SANBR: variants seen among roughly 807,000 people sequenced by gnomAD.
SANBR encodes the protein SANT and BTB domain regulator of CSR.
Under a neutral mutation model 101.8 loss-of-function variants are expected in SANBR, and 77 were observed. That is an observed-to-expected ratio of 0.76 (90% confidence interval 0.63 to 0.91). The LOEUF (loss-of-function observed/expected upper bound fraction) is 0.91, where lower values mean the gene tolerates loss of function less well. Among genes scored for constraint, SANBR ranks in the 40% least tolerant of loss-of-function variants. SANBR has a pLI of 0.00. For synonymous variants in SANBR, 279 were observed against 274.7 expected (o/e 1.02, Z -0.15); for missense variants, 875 against 853.0 (o/e 1.03, Z -0.32).
intron 20 of SANBR, among the ~76,000 whole-genome samples, chr2:61,129,356 A>G (rs1028292837): frequency 8.6e-5 from 13 of 151,984 alleles, no homozygotes; most frequent in Non-Finnish European, 1.5e-5. Flanking sequence ...AGGCAAGAGA[A>G]TCACTTGAAC....
At chr2:61,106,416 G>GAAAAAAAAAAAAAAAAAAAAAAAAAAAA (rs1559125251) in intron 13 of SANBR, 147 bp from the exon 14 acceptor site, 1 of 330,004 alleles carries the variant, frequency 3.0e-6, no homozygotes, top group African/African-American at 2.6e-5. Flanking sequence ...AAAAAAAAAG[G>GAAAAAAAAAAAAAAAAAAAAAAAAAAAA]AAATGTCATT....
chr2:61,081,558 T>G (rs1438068850), intron 7 of SANBR, 48 bp downstream of exon 7: 1 of 1,462,068 alleles, frequency 6.8e-7, no homozygotes, highest in East Asian at 2.7e-5. Context: ...TCACTTATGC[T>G]TTCTTTTCCT....
chr2:61,135,736 T>G (rs1684821577), intron 21 of SANBR, among the ~76,000 whole-genome samples: 1 of 152,166 alleles, frequency 6.6e-6, no homozygotes, highest in African/African-American at 2.4e-5. Context: ...GTATATCATT[T>G]GTAGAAGGAA....
At chr2:61,104,436 C>G (rs955631135) in intron 13 of SANBR, among the ~76,000 whole-genome samples, 1 of 149,780 alleles carries the variant, frequency 6.7e-6, no homozygotes, top group Non-Finnish European at 1.5e-5. Flanking sequence ...GAGCCAAGAT[C>G]GTGCCACTGC....
chr2:61,134,274 A>G (rs1684779757), exon 21 of SANBR: 1 of 1,553,550 alleles, frequency 6.4e-7, no homozygotes, highest in Non-Finnish European at 8.7e-7. Context: ...TGCTTGACAT[A>G]TCGTAAGTGC....
At chr2:61,109,329 T>C (rs755227317) in intron 16 of SANBR, 33 bp downstream of exon 16, 2 of 1,256,952 alleles carry the variant, frequency 1.6e-6, no homozygotes, top group South Asian at 3.0e-5. Context: ...CAAATCTCCC[T>C]GTTTATGAAG....
chr2:61,097,543 C>T (rs934121074), intron 11 of SANBR, among the ~76,000 whole-genome samples, 157 bp from the exon 12 acceptor site: 1 of 152,108 alleles, frequency 6.6e-6, no homozygotes, highest in Admixed American at 6.6e-5. Context: ...TAACCTTCCA[C>T]CCCTGGCAAC....
At position 61,123,576 on chromosome 2, in the gene SANBR, A is replaced by G. The variant is rs1388184318; in HGVS notation, c.*1414A>G. On this transcript the variant is annotated 3_prime_UTR_variant, in exon 22 of 22. Transcript: ENST00000402291. ...ACATATTATATGTAAGTACTCTGTT[A>G]AATACCAGAGTTTTTTTTGTAGTTT... is the stretch of plus-strand genomic sequence containing the variant. The G allele has an allele frequency of 1.0e-6, 1 of 975,362 alleles. No homozygotes were observed. Among genetic ancestry groups the G allele is most frequent in the Non-Finnish European group, 1.2e-6 (1 of 820,792 alleles). 60.4% of individuals were successfully genotyped at this position (975,362 alleles called of 1,614,324 possible). A position where few individuals can be genotyped will look rare whatever the true frequency, so the allele number is the denominator to read the frequency against.
chr2:61,113,066 G>A (rs1023708034), intron 16 of SANBR, among the ~76,000 whole-genome samples: 27 of 152,160 alleles, frequency 1.8e-4, no homozygotes, highest in African/African-American at 5.3e-4. Context: ...TTCCAGCACC[G>A]TTTATTGAAA....
chr2:61,104,356 C>T (rs903052843), intron 13 of SANBR, among the ~76,000 whole-genome samples: 1 of 151,926 alleles, frequency 6.6e-6, no homozygotes, highest in Non-Finnish European at 1.5e-5. Context: ...GTGGTGGGCA[C>T]CTGTAGTCCC....
At position 61,076,837 on chromosome 2, in the gene SANBR, T is replaced by C. The variant is rs1681811352; in HGVS notation, c.432-83T>C. On this transcript the variant is annotated intron_variant, in intron 5 of 21. Transcript: ENST00000402291. ...CAGAATTTTCAAAAACATCTTGTTC[T>C]CTTCCCTTCACTAAATGTCAGTATT... 4 of 947,346 alleles carry C rather than the reference T, an allele frequency of 4.2e-6. 1 individual carries two copies. In the South Asian group the frequency reaches 6.3e-5, roughly 15 times the overall value. The allele number at this position is 947,346 out of a possible 1,614,324, so 58.7% of individuals were successfully genotyped here. A position where few individuals can be genotyped will look rare whatever the true frequency, so the allele number is the denominator to read the frequency against.
intron 2 of SANBR, 88 bp from the exon 3 acceptor site, chr2:61,070,254 T>C: frequency 1.1e-6 from 1 of 909,052 alleles, no homozygotes; most frequent in Non-Finnish European, 1.6e-6. Context: ...CAGATAATTA[T>C]TAGGAATGAA....
chr2:61,122,185 AAGAG>A lies in SANBR; in HGVS notation c.*27_*30del. 1 of 1,548,056 alleles carries A rather than the reference AAGAG, an allele frequency of 6.5e-7. No homozygotes were observed. The highest frequency in any genetic ancestry group is 8.7e-7 in the Non-Finnish European group (1 of 1,145,022). On this transcript the variant is annotated 3_prime_UTR_variant, in exon 22 of 22. Coordinates refer to ENST00000402291, the MANE Select transcript of SANBR (RefSeq NM_001129993.3). ...TAAAGTACCTTAAAATATAAGTAAA[AAGAG>A]AGAAGGCACTCTTCTGGACATCTGA...
intron 11 of SANBR, 134 bp downstream of exon 11, chr2:61,092,721 C>A: frequency 1.4e-6 from 1 of 702,556 alleles, no homozygotes. Flanking sequence ...CTAGTGGCAG[C>A]TGGGCATGGT....
intron 1 of SANBR, among the ~76,000 whole-genome samples, chr2:61,067,665 G>A (rs1402970054): frequency 2.0e-5 from 3 of 152,190 alleles, no homozygotes; most frequent in Non-Finnish European, 4.4e-5. Context: ...GAACCCGGGA[G>A]GCGGAGGTTG....
In SANBR at chr2:61,122,984, C is replaced by T; in HGVS notation, c.*822C>T. 1.0e-6 allele frequency: 1 copy of T among 983,966 alleles called. No individual in the cohort carries two copies. The highest frequency in any genetic ancestry group is 1.2e-6 in the Non-Finnish European group (1 of 828,534). 61.0% of individuals were successfully genotyped at this position (983,966 alleles called of 1,614,324 possible). On this transcript the variant is annotated 3_prime_UTR_variant, in exon 22 of 22. Coordinates refer to ENST00000402291, the MANE Select transcript of SANBR (RefSeq NM_001129993.3). ...CTAAAACCCAACCATATTTCTGTAA[C>T]CATTCAAATAACTCCTTAAAACAGT...
chr2:61,107,289 T>A (rs2104940111), intron 14 of SANBR, among the ~76,000 whole-genome samples: 1 of 152,290 alleles, frequency 6.6e-6, no homozygotes, highest in African/African-American at 2.4e-5. Context: ...TTCTGTAAAC[T>A]TTTTTTGGCA....
At position 61,109,226 on chromosome 2, in the gene SANBR, A is replaced by G; in HGVS notation, c.1674A>G (p.Glu558=). 6.5e-7 allele frequency: 1 copy of G among 1,539,710 alleles called. No homozygotes were observed. Among genetic ancestry groups the G allele is most frequent in the Non-Finnish European group, 8.8e-7 (1 of 1,141,136 alleles). The change falls in exon 16 of 22, where the codon GAA becomes GAG. Residue 558 remains glutamate, a synonymous_variant. Coordinates refer to ENST00000402291, the MANE Select transcript of SANBR (RefSeq NM_001129993.3). Reference sequence around the variant, plus strand: ...AACAGTCACTGTTTTCAGAAGAAGAAGAATATACCACTGGATCTGAGGTCA... The same window carrying G: ...AACAGTCACTGTTTTCAGAAGAAGAGGAATATACCACTGGATCTGAGGTCA... The part of the protein sequence containing the change: ...LKQQSLFSEE[E]EYTTGSEVTE...
downstream of SANBR, among the ~76,000 whole-genome samples, chr2:61,129,224 A>G (rs926957578): frequency 6.6e-6 from 1 of 152,098 alleles, no homozygotes; most frequent in Non-Finnish European, 1.5e-5. Flanking sequence ...CAGGTGGGTC[A>G]CCTGAGGTCA....
Sources: allele counts gnomAD v4.1 joint callset (sites outside exome capture counted in the v4.1 genomes callset), GRCh38; gene constraint gnomAD v4.1.1; transcripts MANE v1.5; gene names NCBI Gene and HGNC (gene_info 2026-07-23, HGNC 2026-07-21).